C8orf34: variants seen among roughly 807,000 people sequenced by gnomAD.
The protein encoded by C8orf34 is uncharacterized protein C8orf34.
In C8orf34, 65 loss-of-function variants were observed where a neutral mutation model predicts 68.3. The ratio of observed to expected loss-of-function variants is 0.95; its 90% CI spans 0.78 to 1.17. The LOEUF is 1.17. Among genes scored for constraint, C8orf34 ranks in the 50% most tolerant of loss-of-function variants. C8orf34 has a pLI of 0.00. For missense variants in C8orf34, 664 were observed against 655.4 expected, an observed-to-expected ratio of 1.01 and a Z score of -0.14; for synonymous variants, 244 against 241.2, an observed-to-expected ratio of 1.01 and a Z score of -0.11.
chr8:68,417,193 T>G (rs1809709746), intron 1 of C8orf34, among the ~76,000 whole-genome samples: 2 of 152,228 alleles, frequency 1.3e-5, no homozygotes, highest in African/African-American at 4.8e-5. Flanking sequence ...GTTAATGGGC[T>G]TTATTTCTTA....
chr8:68,517,020 C>T (rs1814548142), intron 5 of C8orf34, among the ~76,000 whole-genome samples: 1 of 152,136 alleles, frequency 6.6e-6, no homozygotes, highest in African/African-American at 2.4e-5. Flanking sequence ...GGCAAAGGAA[C>T]ATGCATTTTT....
At chr8:68,787,631 TAA>T (rs879563590) in intron 12 of C8orf34, 95 bp downstream of exon 12, 967 of 566,746 alleles carry the variant, frequency 1.7e-3, no homozygotes, top group South Asian at 2.5e-3. Context: ...ACAACTTCTG[TAA>T]AAAAAAAAAA....
intron 10 of C8orf34, among the ~76,000 whole-genome samples, chr8:68,773,384 C>CTTTTTA (rs1370266389): frequency 6.6e-6 from 1 of 152,052 alleles, no homozygotes; most frequent in Admixed American, 6.6e-5. Context: ...CTCCAAGAAT[C>CTTTTTA]TTTTTATTTT....
chr8:68,792,877 G>A (rs1034527709), intron 12 of C8orf34, among the ~76,000 whole-genome samples: 3 of 151,880 alleles, frequency 2.0e-5, no homozygotes, highest in Admixed American at 6.6e-5. Context: ...GTGTGTGTAT[G>A]AGTGTGTGTG....
chr8:68,672,038 A>G lies in C8orf34; in HGVS notation c.1241+31527A>G, dbSNP rs552668265. On this transcript the variant is annotated intron_variant, in intron 8 of 13. Transcript: ENST00000518698. ...CCAAAAGTTTATTAACAAGTGAACC[A>G]TATATGTATAAAATATATGAGAAAT... is the stretch of plus-strand genomic sequence containing the variant. 6.6e-5 allele frequency among the ~76,000 whole-genome samples: 10 copies of G among 152,358 alleles called. No homozygotes were observed. The South Asian group carries it at 2.1e-3, about 32-fold the overall frequency.
In C8orf34 at chr8:68,540,424, C is replaced by A. The variant is rs1586346612; in HGVS notation, c.1105+7275C>A. 2.6e-5 allele frequency among the ~76,000 whole-genome samples: 4 copies of A among 151,588 alleles called. No individual in the cohort carries two copies. The East Asian group carries it at 7.7e-4, about 29-fold the overall frequency. On this transcript the variant is annotated intron_variant, in intron 7 of 13. Coordinates refer to ENST00000518698, the MANE Select transcript of C8orf34 (RefSeq NM_052958.4). ...ATATATAGTTTTAATTTCTTTAAAA[C>A]TTTTTCAAGAATTGTCAAAAGAGGA... is the stretch of plus-strand genomic sequence containing the variant.
chr8:68,639,998 A>G (rs1818956780), intron 7 of C8orf34, among the ~76,000 whole-genome samples: 1 of 152,190 alleles, frequency 6.6e-6, no homozygotes, highest in Non-Finnish European at 1.5e-5. Context: ...AGAACAAAGG[A>G]AAAATATAGG....
At chr8:68,516,611 C>G (rs1215772796) in intron 5 of C8orf34, among the ~76,000 whole-genome samples, 6 of 134,020 alleles carry the variant, frequency 4.5e-5, no homozygotes, top group Non-Finnish European at 9.1e-5. Flanking sequence ...GAATTTTTGA[C>G]TGGGAATGCT....
At chr8:68,644,002 G>A (rs546435050) in intron 8 of C8orf34, among the ~76,000 whole-genome samples, 100 of 152,294 alleles carry the variant, frequency 6.6e-4, no homozygotes, top group Admixed American at 1.1e-3. Context: ...TCTGTCTAAA[G>A]TCTAGAGGCG....
intron 7 of C8orf34, among the ~76,000 whole-genome samples, chr8:68,623,164 G>T (rs1022526689): frequency 1.3e-5 from 2 of 152,180 alleles, no homozygotes; most frequent in African/African-American, 4.8e-5. Flanking sequence ...GCCGAACCTG[G>T]CCTACACAGT....
chr8:68,807,431 A>G (rs1824518608), intron 12 of C8orf34, among the ~76,000 whole-genome samples: 1 of 152,160 alleles, frequency 6.6e-6, no homozygotes, highest in East Asian at 1.9e-4. Flanking sequence ...AATGCTATCA[A>G]ATCTGCTGTT....
chr8:68,528,155 A>G (rs1054591751), intron 6 of C8orf34, among the ~76,000 whole-genome samples: 1 of 152,174 alleles, frequency 6.6e-6, no homozygotes, highest in Admixed American at 6.5e-5. Flanking sequence ...GTCAGCGTCA[A>G]CATCATCGGT....
At chr8:68,521,184 C>A (rs1814740314) in intron 5 of C8orf34, among the ~76,000 whole-genome samples, 1 of 152,116 alleles carries the variant, frequency 6.6e-6, no homozygotes, top group African/African-American at 2.4e-5. Flanking sequence ...AACAAAAAAT[C>A]CCTAGCAATA....
chr8:68,382,458 G>A lies in C8orf34; in HGVS notation c.327+51119G>A, dbSNP rs1808083493. Reference sequence around the variant, plus strand: ...CATTCTCACTAGCCAGATTTCAAGAGTTCAAAAGTAACGTGTACCTACTGT... The same window carrying A: ...CATTCTCACTAGCCAGATTTCAAGAATTCAAAAGTAACGTGTACCTACTGT... On this transcript the variant is annotated intron_variant, in intron 1 of 13. Coordinates refer to ENST00000518698, the MANE Select transcript of C8orf34 (RefSeq NM_052958.4). Among the ~76,000 whole-genome samples the A allele has an allele frequency of 2.6e-5, 4 of 152,278 alleles. No individual in the cohort carries two copies. The South Asian group carries it at 8.3e-4, about 32-fold the overall frequency.
intron 7 of C8orf34, among the ~76,000 whole-genome samples, chr8:68,598,816 T>A (rs1222869975): frequency 1.3e-5 from 2 of 151,884 alleles, no homozygotes; most frequent in African/African-American, 4.8e-5. Flanking sequence ...AAAATGAAAA[T>A]GTTGTAGATT....
chr8:68,776,642 T>C (rs949660017), intron 11 of C8orf34, among the ~76,000 whole-genome samples, 193 bp downstream of exon 11: 6 of 152,218 alleles, frequency 3.9e-5, no homozygotes, highest in Non-Finnish European at 7.3e-5. Context: ...AGAAAGATAC[T>C]GTGTATCAGT....
chr8:68,737,094 C>T (rs533370162), intron 10 of C8orf34, among the ~76,000 whole-genome samples: 1 of 152,186 alleles, frequency 6.6e-6, no homozygotes, highest in South Asian at 2.1e-4. Context: ...CTCAGGATGG[C>T]TTTGGAAACT....
intron 3 of C8orf34, among the ~76,000 whole-genome samples, chr8:68,461,227 G>A (rs1811807251): frequency 6.6e-6 from 1 of 152,122 alleles, no homozygotes; most frequent in South Asian, 2.1e-4. Flanking sequence ...GAAGTGAGAA[G>A]GGAAATTTAG....
chr8:68,672,753 T>A (rs1820053398), intron 8 of C8orf34, among the ~76,000 whole-genome samples: 1 of 152,162 alleles, frequency 6.6e-6, no homozygotes, highest in Non-Finnish European at 1.5e-5. Context: ...GGCAGTGGAC[T>A]TGGGGGGCAT....
Sources: gnomAD v4.1 joint callset for allele counts (sites outside exome capture counted in the v4.1 genomes callset) on GRCh38, gnomAD v4.1.1 for gene constraint, MANE v1.5 for transcripts, NCBI Gene and HGNC (gene_info 2026-07-23, HGNC 2026-07-21) for gene names.